HECW1: variants seen among roughly 807,000 people sequenced by gnomAD.
HECW1 encodes E3 ubiquitin-protein ligase HECW1.
A neutral mutation model predicts 182.3 loss-of-function variants in HECW1; 61 were observed. The observed-to-expected ratio is 0.33, with a 90% CI of 0.27 to 0.41. HECW1 has a LOEUF of 0.41. Ranked by LOEUF, HECW1 falls within the 10% of genes least tolerant of loss-of-function variation. HECW1 has a pLI of 1.00. For missense variants in HECW1, 1,739 were observed against 2,108.9 expected, an observed-to-expected ratio of 0.82 and a Z score of 3.44; for synonymous variants, 859 against 832.6, an observed-to-expected ratio of 1.03 and a Z score of -0.55.
At chr7:43,153,575 A>C (rs1789574759) in intron 2 of HECW1, among the ~76,000 whole-genome samples, 1 of 152,204 alleles carries the variant, frequency 6.6e-6, no homozygotes, top group Non-Finnish European at 1.5e-5. Flanking sequence ...TTGGTTGTGC[A>C]GCTGATCAAG....
At chr7:43,558,221 G>A (rs1287831816) in intron 29 of HECW1, among the ~76,000 whole-genome samples, 1 of 152,214 alleles carries the variant, frequency 6.6e-6, no homozygotes, top group Non-Finnish European at 1.5e-5. Flanking sequence ...AGCTAGGTCA[G>A]AGTCGAAGTA....
chr7:43,142,183 A>C (rs995132482), intron 2 of HECW1, among the ~76,000 whole-genome samples: 1 of 152,150 alleles, frequency 6.6e-6, no homozygotes, highest in African/African-American at 2.4e-5. Context: ...GATACCCTGC[A>C]TCCTCATCAT....
chr7:43,126,781 T>C (rs1044060584), intron 2 of HECW1, among the ~76,000 whole-genome samples: 6 of 152,234 alleles, frequency 3.9e-5, no homozygotes, highest in African/African-American at 1.2e-4. Context: ...TTCTTTATTA[T>C]GATATCTGTT....
At chr7:43,393,612 A>C (rs1359617744) in intron 6 of HECW1, among the ~76,000 whole-genome samples, 1 of 151,950 alleles carries the variant, frequency 6.6e-6, no homozygotes, top group Non-Finnish European at 1.5e-5. Flanking sequence ...TTTTATGGAG[A>C]CTTAAATGAT....
At chr7:43,561,272 C>T (rs757028172) in intron 29 of HECW1, among the ~76,000 whole-genome samples, 5 of 152,206 alleles carry the variant, frequency 3.3e-5, no homozygotes, top group Non-Finnish European at 7.3e-5. Context: ...CTTGGAAATG[C>T]AGCACTTCGA....
chr7:43,137,674 C>T (rs1318044465), intron 2 of HECW1, among the ~76,000 whole-genome samples: 3 of 151,938 alleles, frequency 2.0e-5, no homozygotes, highest in African/African-American at 4.8e-5. Flanking sequence ...CTCAGCCTCC[C>T]GAGTAGCTAG....
rs530153663 is a variant in HECW1 at position 43,563,158 on chromosome 7, C to A, written c.*1232C>A. The A allele has an allele frequency of 9.8e-6, 2 of 203,324 alleles. No homozygotes were observed. Among genetic ancestry groups the A allele is most frequent in the East Asian group, 1.5e-4 (2 of 13,176 alleles). The allele number at this position is 203,324 out of a possible 1,614,324, so 12.6% of individuals were successfully genotyped here. A position where few individuals can be genotyped will look rare whatever the true frequency, so the allele number is the denominator to read the frequency against. The stretch of plus-strand genomic sequence containing the variant: ...CTTCTCCTTCACCCATAGTAATCCT[C>A]CTGGGGCAGAAACATAACACCCCAA... On this transcript the variant is annotated 3_prime_UTR_variant, in exon 30 of 30. Transcript: ENST00000395891.
chr7:43,271,541 A>G (rs184230141), intron 3 of HECW1, among the ~76,000 whole-genome samples: 38 of 152,350 alleles, frequency 2.5e-4, no homozygotes, highest in Admixed American at 2.2e-3. Flanking sequence ...GACAAAAATC[A>G]GTAGCATTTC....
intron 5 of HECW1, among the ~76,000 whole-genome samples, chr7:43,355,926 T>C (rs1027737969): frequency 6.6e-6 from 1 of 151,902 alleles, no homozygotes; most frequent in Non-Finnish European, 1.5e-5. Context: ...GAGGCGGAGG[T>C]TGCAGTGAGC....
chr7:43,452,550 A>G (rs1433698211), intron 12 of HECW1, among the ~76,000 whole-genome samples: 7 of 152,256 alleles, frequency 4.6e-5, no homozygotes, highest in African/African-American at 1.7e-4. Flanking sequence ...GCTGATATTC[A>G]TTCATTCAAC....
Position 43,501,225 on chromosome 7 carries a change from A to G in HECW1, c.3534A>G (p.Glu1178=). ...TTTTCATATGCAGTCTCTTTGAAGA[A>G]GAGATTATGTCCTACGTCCCCCTGC... ...DLVILLSLFE[E]EIMSYVPLQA... The change falls in exon 21 of 30, where the codon GAA becomes GAG. Residue 1178 remains glutamate (E), a synonymous_variant. Coordinates refer to ENST00000395891, the MANE Select transcript of HECW1 (RefSeq NM_015052.5). 1 of 1,501,970 alleles carries G rather than the reference A, an allele frequency of 6.7e-7. No individual in the cohort carries two copies. Among genetic ancestry groups the G allele is most frequent in the Non-Finnish European group, 9.2e-7 (1 of 1,090,672 alleles). 93.0% of individuals were successfully genotyped at this position (1,501,970 alleles called of 1,614,324 possible).
chr7:43,415,162 G>C (rs1042603109), intron 8 of HECW1, among the ~76,000 whole-genome samples: 8 of 151,170 alleles, frequency 5.3e-5, no homozygotes, highest in African/African-American at 1.7e-4. Flanking sequence ...TGCAGCGGCT[G>C]GTACCGGTTG....
At chr7:43,146,099 A>T (rs1788678675) in intron 2 of HECW1, among the ~76,000 whole-genome samples, 1 of 152,186 alleles carries the variant, frequency 6.6e-6, no homozygotes, top group Non-Finnish European at 1.5e-5. Flanking sequence ...CCCCATTTAC[A>T]GCAAAATGTT....
At chr7:43,463,578 T>C (rs1162715783) in intron 13 of HECW1, 82 bp from the exon 14 acceptor site, 1 of 1,293,462 alleles carries the variant, frequency 7.7e-7, no homozygotes, top group African/African-American at 1.5e-5. Flanking sequence ...TTTACAGATT[T>C]CTCCAATTAT....
At chr7:43,207,190 G>A (rs1370359205) in intron 2 of HECW1, among the ~76,000 whole-genome samples, 1 of 152,048 alleles carries the variant, frequency 6.6e-6, no homozygotes, top group Non-Finnish European at 1.5e-5. Context: ...GGGATTACAG[G>A]TGCATGCCAC....
At chr7:43,376,029 TATATATATACACAC>T (rs201233516) in intron 6 of HECW1, among the ~76,000 whole-genome samples, 3,548 of 150,560 alleles carry the variant, frequency 0.024, 119 homozygotes, top group African/African-American at 0.074. Flanking sequence ...ATGAAATATG[TATATATATACACAC>T]ATATATATAC....
intron 2 of HECW1, chr7:43,148,957 A>G (rs1424215019): frequency 2.6e-5 from 4 of 152,054 alleles, no homozygotes; most frequent in African/African-American, 9.7e-5. Context: ...TGAGTCTCAA[A>G]AATGTAGGGA....
intron 6 of HECW1, among the ~76,000 whole-genome samples, chr7:43,362,131 CAAAAAAAA>C (rs34879817): frequency 4.6e-5 from 4 of 87,850 alleles, no homozygotes; most frequent in Non-Finnish European, 8.7e-5. Context: ...AACTCCGTCT[CAAAAAAAA>C]AAAAAAAAAA....
chr7:43,314,069 C>T (rs1808880946), intron 4 of HECW1, among the ~76,000 whole-genome samples: 1 of 152,186 alleles, frequency 6.6e-6, no homozygotes, highest in African/African-American at 2.4e-5. Context: ...CAGCCTCAGC[C>T]TCCCAAAATG....
Sources: allele counts gnomAD v4.1 joint callset (sites outside exome capture counted in the v4.1 genomes callset), GRCh38; gene constraint gnomAD v4.1.1; transcripts MANE v1.5; gene names NCBI Gene and HGNC (gene_info 2026-07-23, HGNC 2026-07-21).